PCDHGB3: variants seen among roughly 807,000 people sequenced by gnomAD.
The protein encoded by PCDHGB3 is protocadherin gamma subfamily B, 3, also known as protocadherin gamma-B3.
A neutral mutation model predicts 59.2 loss-of-function variants in PCDHGB3; 40 were observed. The observed-to-expected ratio is 0.68, with a 90% CI of 0.52 to 0.88. The LOEUF (loss-of-function observed/expected upper bound fraction) is 0.88, where lower values mean the gene tolerates loss of function less well. Ranked by LOEUF, PCDHGB3 falls within the 40% of genes least tolerant of loss-of-function variation. PCDHGB3 has a pLI of 0.00. For synonymous variants in PCDHGB3, 581 were observed against 503.6 expected, an observed-to-expected ratio of 1.15 and a Z score of -2.06; for missense variants, 1,309 against 1,187.9, an observed-to-expected ratio of 1.10 and a Z score of -1.50.
chr5:141,433,208 C>CTTT, intron 1 of PCDHGB3: 2 of 1,293,022 alleles, frequency 1.5e-6, no homozygotes, highest in Non-Finnish European at 2.1e-6. Context: ...AATCTTCTTT[C>CTTT]TTTTTTTTTT....
At position 141,454,263 on chromosome 5, in the gene PCDHGB3, T is replaced by C. The variant is rs954231508; in HGVS notation, c.2416-40544T>C. Among the ~76,000 whole-genome samples, 42 of 152,140 alleles carry C rather than the reference T, an allele frequency of 2.8e-4. 1 individual carries two copies. Among genetic ancestry groups the C allele is most frequent in the South Asian group, 1.0e-3 (5 of 4,826 alleles). On this transcript the variant is annotated intron_variant, in intron 1 of 3. Coordinates refer to ENST00000576222, the MANE Select transcript of PCDHGB3 (RefSeq NM_018924.5). Reference sequence around the variant, plus strand: ...GATGAAGATGTCCCAGAGAAAGTAATGCCAGCAAAAACTTCACATTAAAGG... The same window carrying C: ...GATGAAGATGTCCCAGAGAAAGTAACGCCAGCAAAAACTTCACATTAAAGG...
chr5:141,372,307 C>A lies in PCDHGB3; in HGVS notation c.1913C>A (p.Ala638Asp). The A allele has an allele frequency of 6.2e-7, 1 of 1,613,452 alleles. No individual in the cohort carries two copies. The highest frequency in any genetic ancestry group is 8.5e-7 in the Non-Finnish European group (1 of 1,179,898). The change falls in exon 1 of 4, where the codon GCC (alanine) becomes GAC (aspartate). Residue 638 changes from alanine (A) to aspartate (D), a missense_variant. Coordinates refer to ENST00000576222, the MANE Select transcript of PCDHGB3 (RefSeq NM_018924.5). Reference protein sequence around the residue: ...TARTLGDREAARQRLLVTVRD... With the variant: ...TARTLGDREADRQRLLVTVRD... ...CGTACCTTGGGCGACAGGGAGGCCGCCCGCCAGCGCCTGCTGGTCACTGTG... is the reference window on the plus strand; with the variant it reads ...CGTACCTTGGGCGACAGGGAGGCCGACCGCCAGCGCCTGCTGGTCACTGTG...
At chr5:141,470,648 C>T (rs1188305813) in intron 1 of PCDHGB3, among the ~76,000 whole-genome samples, 1 of 152,066 alleles carries the variant, frequency 6.6e-6, no homozygotes, top group Non-Finnish European at 1.5e-5. Context: ...TTTGAAGGCC[C>T]CTACCCTTTG....
intron 1 of PCDHGB3, among the ~76,000 whole-genome samples, chr5:141,444,466 C>A (rs539222916): frequency 1.3e-5 from 2 of 151,982 alleles, no homozygotes; most frequent in African/African-American, 4.8e-5. Flanking sequence ...TCACTGCGCC[C>A]GGTCGCGTAC....
intron 1 of PCDHGB3, chr5:141,388,796 A>G: frequency 6.2e-7 from 1 of 1,613,952 alleles, no homozygotes; most frequent in Non-Finnish European, 8.5e-7. Flanking sequence ...TTTTAAATAC[A>G]TTAGATTTTG....
Position 141,438,239 on chromosome 5 carries a change from A to C in PCDHGB3, c.2416-56568A>C, listed in dbSNP as rs550172792. Among the ~76,000 whole-genome samples, 9 of 152,298 alleles carry C rather than the reference A, an allele frequency of 5.9e-5. No homozygotes were observed. In the East Asian group the frequency reaches 1.7e-3, roughly 29 times the overall value. On this transcript the variant is annotated intron_variant, in intron 1 of 3. Transcript: ENST00000576222. ...GCTCTGGTTCAGGAAAATGTTTTTA[A>C]AAAACTGTCATTGAAGAGACCATAG...
chr5:141,427,890 G>T lies in PCDHGB3; in HGVS notation c.2415+55081G>T, dbSNP rs1438515062. 1.9e-6 allele frequency: 3 copies of T among 1,566,844 alleles called. No homozygotes were observed. In the South Asian group the frequency reaches 3.3e-5, roughly 17 times the overall value. Reference sequence around the variant, plus strand: ...GCTCACGATGCAGGCCCACGACCAGGGCTCGCCCGCGCTCAGCGCCAACAT... The same window carrying T: ...GCTCACGATGCAGGCCCACGACCAGTGCTCGCCCGCGCTCAGCGCCAACAT... On this transcript the variant is annotated intron_variant, in intron 1 of 3. Transcript: ENST00000576222.
intron 1 of PCDHGB3, among the ~76,000 whole-genome samples, chr5:141,481,950 T>C (rs1378337886): frequency 2.7e-5 from 4 of 146,216 alleles, no homozygotes; most frequent in Admixed American, 1.4e-4. Flanking sequence ...CCAGATGTGG[T>C]GGCAGGTGCC....
chr5:141,372,722 A>C lies in PCDHGB3; in HGVS notation c.2328A>C (p.Ala776=). The stretch of plus-strand genomic sequence containing the variant: ...TCAATATAAAGGCTGAAAATGCTGC[A>C]CCACAAGATCTTCTATGTGATGAAG... ...KFLNIKAENA[A]PQDLLCDEAS... Residue 776 remains alanine (A), a synonymous_variant, in exon 1 of 4, where the codon GCA becomes GCC. Transcript: ENST00000576222. The C allele has an allele frequency of 6.2e-7, 1 of 1,613,930 alleles. No individual in the cohort carries two copies. Among genetic ancestry groups the C allele is most frequent in the Non-Finnish European group, 8.5e-7 (1 of 1,179,824 alleles).
In PCDHGB3 at chr5:141,476,149, A is replaced by T. The variant is rs1042362185; in HGVS notation, c.2416-18658A>T. The stretch of plus-strand genomic sequence containing the variant: ...CAGAGGCCTGGAGGAGCGGACTGGT[A>T]AGCACCGGGAGGGTAGTGGGAGTTT... On this transcript the variant is annotated intron_variant, in intron 1 of 3. Transcript: ENST00000576222. This position sits in a 1 kb window ranked among gnomAD's most constrained non-coding sequence, Gnocchi z 7.6. 4 of 1,611,688 alleles carry T rather than the reference A, an allele frequency of 2.5e-6. No individual in the cohort carries two copies. In the African/African-American group the frequency reaches 5.3e-5, roughly 22 times the overall value.
chr5:141,374,825 C>G (rs11575953), intron 1 of PCDHGB3: 15 of 1,613,780 alleles, frequency 9.3e-6, no homozygotes, highest in Middle Eastern at 1.6e-4. Context: ...GCCTGTCTAC[C>G]GTGTAAGTGT....
chr5:141,489,579 C>G lies in PCDHGB3; in HGVS notation c.2416-5228C>G, dbSNP rs112808093. 3.7e-6 allele frequency: 6 copies of G among 1,613,922 alleles called. No individual in the cohort carries two copies. The Admixed American group carries it at 5.0e-5, about 13-fold the overall frequency. On this transcript the variant is annotated intron_variant, in intron 1 of 3. Transcript: ENST00000576222. This position sits in a 1 kb window ranked among gnomAD's most constrained non-coding sequence, Gnocchi z 4.5. ...CAGTGCAGGTGGTGACTGAACACCC[C>G]CTGGAGCTAATCCGTGTAGAGGTAG... is the stretch of plus-strand genomic sequence containing the variant.
chr5:141,469,880 C>T (rs774827232), intron 1 of PCDHGB3, among the ~76,000 whole-genome samples: 7 of 152,210 alleles, frequency 4.6e-5, no homozygotes, highest in East Asian at 1.9e-4. Flanking sequence ...CCTGTAATCT[C>T]GGCACTTTGG....
chr5:141,383,312 T>C (rs1271523069), intron 1 of PCDHGB3: 1 of 1,613,832 alleles, frequency 6.2e-7, no homozygotes, highest in Admixed American at 1.7e-5. Flanking sequence ...ACGGAAGAAA[T>C]AAATGTAAAA....
In PCDHGB3 at chr5:141,485,539, G is replaced by T; in HGVS notation, c.2416-9268G>T. 6.2e-7 allele frequency: 1 copy of T among 1,614,104 alleles called. No individual in the cohort carries two copies. Among genetic ancestry groups the T allele is most frequent in the Non-Finnish European group, 8.5e-7 (1 of 1,179,998 alleles). On this transcript the variant is annotated intron_variant, in intron 1 of 3. Coordinates refer to ENST00000576222, the MANE Select transcript of PCDHGB3 (RefSeq NM_018924.5). This position sits in a 1 kb window ranked among gnomAD's most constrained non-coding sequence, Gnocchi z 5.7. ...TGGAAATGTACCGAGCAGAGGTAGA[G>T]ATCGTAGATGTGAATGATCACGCCC...
chr5:141,438,581 TAC>T (rs2097976954), intron 1 of PCDHGB3, among the ~76,000 whole-genome samples: 6 of 49,834 alleles, frequency 1.2e-4, no homozygotes, highest in African/African-American at 7.2e-4. Flanking sequence ...TATACATACA[TAC>T]ATACATACAT....
At chr5:141,372,937 G>C (rs894509866) in intron 1 of PCDHGB3, 128 bp downstream of exon 1, 5 of 831,174 alleles carry the variant, frequency 6.0e-6, no homozygotes, top group Non-Finnish European at 9.0e-6. Context: ...GTGTAGAGTA[G>C]GGTGTCTAGG....
At chr5:141,433,560 G>A (rs1276743163) in intron 1 of PCDHGB3, among the ~76,000 whole-genome samples, 1 of 152,110 alleles carries the variant, frequency 6.6e-6, no homozygotes, top group East Asian at 1.9e-4. Flanking sequence ...TTCTGGCTGG[G>A]CGCGGTGGCT....
chr5:141,370,988 A>T lies in PCDHGB3; in HGVS notation c.594A>T (p.Ala198=), dbSNP rs760427095. 41 of 1,613,868 alleles carry T rather than the reference A, an allele frequency of 2.5e-5. No individual in the cohort carries two copies. Among genetic ancestry groups the T allele is most frequent in the Non-Finnish European group, 3.1e-5 (36 of 1,179,884 alleles). The change falls in exon 1 of 4, where the codon GCA becomes GCT. Residue 198 remains alanine (A), a synonymous_variant. Coordinates refer to ENST00000576222, the MANE Select transcript of PCDHGB3 (RefSeq NM_018924.5). ...GSRYPELVLK[A]PLDREEQPHH... is the part of the protein sequence containing the mutation. ...GGTACCCAGAGCTAGTACTGAAAGC[A>T]CCCCTGGACAGGGAAGAGCAGCCAC...
Sources: allele counts gnomAD v4.1 joint callset (sites outside exome capture counted in the v4.1 genomes callset), GRCh38; gene constraint gnomAD v4.1.1; non-coding constraint Gnocchi (gnomAD v3.1); transcripts MANE v1.5; gene names NCBI Gene and HGNC (gene_info 2026-07-23, HGNC 2026-07-21).